The following GNA15 variants were observed in gnomAD, a reference collection of about 807,000 sequenced individuals.
GNA15 encodes the protein guanine nucleotide-binding protein subunit alpha-15.
A neutral mutation model predicts 40.1 loss-of-function variants in GNA15; 23 were observed. The observed-to-expected ratio is 0.57, with a 90% CI of 0.41 to 0.81. The LOEUF (loss-of-function observed/expected upper bound fraction) is 0.81, where lower values mean the gene tolerates loss of function less well. GNA15 is among the 40% of genes least tolerant of loss of function. The pLI is 0.00. For synonymous variants in GNA15, 226 were observed against 210.4 expected (o/e 1.07, Z -0.64); for missense variants, 522 against 515.8 (o/e 1.01, Z -0.12).
At chr19:3,144,707 T>G (rs1032083566) in intron 1 of GNA15, among the ~76,000 whole-genome samples, 3 of 151,312 alleles carry the variant, frequency 2.0e-5, no homozygotes, top group Non-Finnish European at 4.4e-5. Flanking sequence ...TTTTTGTATT[T>G]TTAGTAGAGA....
chr19:3,152,570 C>A (rs1196536070), intron 4 of GNA15, among the ~76,000 whole-genome samples: 1 of 152,120 alleles, frequency 6.6e-6, no homozygotes, highest in Non-Finnish European at 1.5e-5. Flanking sequence ...CACCCTAACC[C>A]TAACCCTAAC....
rs1487206772 is a variant in GNA15, at chr19:3,151,716, C to T, written c.495C>T (p.Ser165=). 1 of 1,598,508 alleles carries T rather than the reference C, an allele frequency of 6.3e-7. No homozygotes were observed. Among genetic ancestry groups the T allele is most frequent in the Non-Finnish European group, 8.5e-7 (1 of 1,173,192 alleles). ...HLLDSAVYYL[S]HLERITEEGY... is the part of the protein sequence containing the mutation. ...ACTCCTTGCTCTGCAGCTACCTGTC[C>T]CACCTGGAGCGCATCACCGAGGAGG... The change falls in exon 4 of 7, where the codon TCC becomes TCT. Residue 165 remains serine (S), a synonymous_variant. Coordinates refer to ENST00000262958, the MANE Select transcript of GNA15 (RefSeq NM_002068.4). The surrounding 1 kb of genome is among the most constrained non-coding windows in gnomAD (Gnocchi z 5.0).
At chr19:3,145,360 T>TATATATA (rs1555705683) in intron 1 of GNA15, among the ~76,000 whole-genome samples, 1,110 of 21,444 alleles carry the variant, frequency 0.052, 6 homozygotes, top group African/African-American at 0.083. Flanking sequence ...TATATATATA[T>TATATATA]TTTTTTTTTT....
rs1914905269 is a variant in GNA15 at position 3,152,590 on chromosome 19, C to G, written c.614+755C>G. ...TAACCCTAACCCTAACCCAGCAGAG[C>G]AATGGCCAATGTCAAAGGTCAGGAA... is the stretch of plus-strand genomic sequence containing the variant. On this transcript the variant is annotated intron_variant, in intron 4 of 6. Coordinates refer to ENST00000262958, the MANE Select transcript of GNA15 (RefSeq NM_002068.4). 3.3e-5 allele frequency among the ~76,000 whole-genome samples: 5 copies of G among 152,046 alleles called. No individual in the cohort carries two copies. In the South Asian group the frequency reaches 1.0e-3, roughly 32 times the overall value.
rs1296430786 is a variant in GNA15, at chr19:3,155,872, T to C, written c.664T>C (p.Cys222Arg). The C allele has an allele frequency of 6.2e-7, 1 of 1,613,876 alleles. No individual in the cohort carries two copies. Among genetic ancestry groups the C allele is most frequent in the Non-Finnish European group, 8.5e-7 (1 of 1,179,952 alleles). Residue 222 changes from cysteine (C) to arginine (R), a missense_variant, in exon 5 of 7, where the codon TGT (cysteine) becomes CGT (arginine). Transcript: ENST00000262958. The surrounding 1 kb of genome is among the most constrained non-coding windows in gnomAD (Gnocchi z 5.6). ...QKSERKKWIH[C>R]FENVIALIYL... ...GTCAGAGCGTAAGAAATGGATCCAT[T>C]GTTTCGAGAACGTGATCGCCCTCAT...
chr19:3,144,923 G>C (rs992673865), intron 1 of GNA15, among the ~76,000 whole-genome samples: 1 of 151,640 alleles, frequency 6.6e-6, no homozygotes, highest in African/African-American at 2.4e-5. Context: ...CCGCCTCCCA[G>C]GTTCAAGCAA....
chr19:3,162,738 C>T, intron 6 of GNA15, 55 bp from the exon 7 acceptor site: 1 of 1,195,298 alleles, frequency 8.4e-7, no homozygotes. Context: ...TCTCCAGAGG[C>T]CCCCTGGGTC....
In GNA15 at chr19:3,162,897, C is replaced by A; in HGVS notation, c.1003C>A (p.Arg335=). ...CCCCGAGGGCAGCAAGAAGGGCGCA[C>A]GATCCCGACGCCTCTTCAGCCACTA... ...DGPEGSKKGA[R]SRRLFSHYTC... The change falls in exon 7 of 7, where the codon CGA becomes AGA. Residue 335 remains arginine, a synonymous_variant. Coordinates refer to ENST00000262958, the MANE Select transcript of GNA15 (RefSeq NM_002068.4). 1 of 1,613,606 alleles carries A rather than the reference C, an allele frequency of 6.2e-7. No individual in the cohort carries two copies. The highest frequency in any genetic ancestry group is 1.1e-5 in the South Asian group (1 of 91,070).
At chr19:3,145,020 G>C (rs1914678304) in intron 1 of GNA15, among the ~76,000 whole-genome samples, 1 of 149,766 alleles carries the variant, frequency 6.7e-6, no homozygotes, top group African/African-American at 2.5e-5. Flanking sequence ...GTAGAGACAG[G>C]GTTTTTGTAT....
At chr19:3,156,616 C>G (rs879858082) in intron 5 of GNA15, among the ~76,000 whole-genome samples, 1 of 152,080 alleles carries the variant, frequency 6.6e-6, no homozygotes, top group Admixed American at 6.5e-5. Flanking sequence ...CCTCAGCCTC[C>G]GGAGTAGGTG....
At chr19:3,140,883 C>G (rs956959073) in intron 1 of GNA15, among the ~76,000 whole-genome samples, 1 of 152,206 alleles carries the variant, frequency 6.6e-6, no homozygotes, top group Admixed American at 6.6e-5. Flanking sequence ...AGCAGGAAGC[C>G]CCTTCTACTG....
At chr19:3,149,072 C>T (rs1444135198) in intron 2 of GNA15, 1 of 386,302 alleles carries the variant, frequency 2.6e-6, no homozygotes, top group East Asian at 4.8e-5. Flanking sequence ...CACGCATGCC[C>T]ACATGCACAC....
chr19:3,146,784 G>A (rs573244173), intron 1 of GNA15, among the ~76,000 whole-genome samples: 1 of 151,914 alleles, frequency 6.6e-6, no homozygotes, highest in South Asian at 2.1e-4. Flanking sequence ...GCGCCTGTGA[G>A]CACCTGAGTC....
At position 3,163,253 on chromosome 19, in the gene GNA15, G is replaced by C; in HGVS notation, c.*234G>C. 1.8e-6 allele frequency: 1 copy of C among 563,042 alleles called. No homozygotes were observed. Among genetic ancestry groups the C allele is most frequent in the Non-Finnish European group, 3.2e-6 (1 of 313,838 alleles). 34.9% of individuals were successfully genotyped at this position (563,042 alleles called of 1,614,324 possible). On this transcript the variant is annotated 3_prime_UTR_variant, in exon 7 of 7. Coordinates refer to ENST00000262958, the MANE Select transcript of GNA15 (RefSeq NM_002068.4). Reference sequence around the variant, plus strand: ...GTTTCCCTCCTTTGAAAGGGAAGGAGCAAAACGGCCATTTGGGATGCCAGG... The same window carrying C: ...GTTTCCCTCCTTTGAAAGGGAAGGACCAAAACGGCCATTTGGGATGCCAGG...
At chr19:3,157,601 C>T in intron 5 of GNA15, 127 bp from the exon 6 acceptor site, 1 of 768,352 alleles carries the variant, frequency 1.3e-6, no homozygotes. Flanking sequence ...ACACCCGCCT[C>T]AGCCCCAGCC....
chr19:3,144,158 C>T (rs981402358), intron 1 of GNA15, among the ~76,000 whole-genome samples: 21 of 151,108 alleles, frequency 1.4e-4, no homozygotes, highest in Admixed American at 2.6e-4. Context: ...GTCCCCCTCT[C>T]GTGGTGAGGC....
At chr19:3,159,022 A>AT (rs34308346) in intron 6 of GNA15, among the ~76,000 whole-genome samples, 14 of 150,072 alleles carry the variant, frequency 9.3e-5, no homozygotes, top group South Asian at 2.1e-4. Context: ...TTTTTCTTTA[A>AT]TTTTTTTTTG....
chr19:3,142,234 C>G (rs1296136305), intron 1 of GNA15: 1 of 152,184 alleles, frequency 6.6e-6, no homozygotes, highest in Non-Finnish European at 1.5e-5. Flanking sequence ...AGATCACTCC[C>G]ACCATTTCTA....
At chr19:3,160,838 G>A (rs548799610) in intron 6 of GNA15, among the ~76,000 whole-genome samples, 12 of 151,166 alleles carry the variant, frequency 7.9e-5, no homozygotes, top group Non-Finnish European at 1.5e-4. Flanking sequence ...CTGCCTCCAT[G>A]TTCACATGGC....
Sources: gnomAD v4.1 joint callset for allele counts (sites outside exome capture counted in the v4.1 genomes callset) on GRCh38, gnomAD v4.1.1 for gene constraint, Gnocchi (gnomAD v3.1) non-coding constraint, MANE v1.5 for transcripts, NCBI Gene and HGNC (gene_info 2026-07-23, HGNC 2026-07-21) for gene names.